The following MB21D2 variants were observed in gnomAD, a reference collection of about 807,000 sequenced individuals.
The protein encoded by MB21D2 is Mab-21 domain containing 2, also known as nucleotidyltransferase MB21D2.
Under a neutral mutation model 33.3 loss-of-function variants are expected in MB21D2, and 9 were observed. The ratio of observed to expected loss-of-function variants is 0.27; its 90% CI spans 0.16 to 0.47. The LOEUF (loss-of-function observed/expected upper bound fraction) is 0.47, where lower values mean the gene tolerates loss of function less well. MB21D2 is among the 20% of genes least tolerant of loss of function. The pLI is 0.99. For missense variants in MB21D2, 540 were observed against 624.6 expected, an observed-to-expected ratio of 0.86 and a Z score of 1.44; for synonymous variants, 241 against 236.3, an observed-to-expected ratio of 1.02 and a Z score of -0.18.
intron 1 of MB21D2, among the ~76,000 whole-genome samples, chr3:192,886,023 C>T (rs574042250): frequency 3.9e-5 from 6 of 152,164 alleles, no homozygotes; most frequent in East Asian, 3.9e-4. Flanking sequence ...TACAGTGGCG[C>T]GATCTCGGCT....
At chr3:192,855,769 A>G (rs1317265938) in intron 1 of MB21D2, among the ~76,000 whole-genome samples, 1 of 152,198 alleles carries the variant, frequency 6.6e-6, no homozygotes, top group African/African-American at 2.4e-5. Context: ...ATGAAGCTTC[A>G]AAGAAGTTAT....
intron 1 of MB21D2, among the ~76,000 whole-genome samples, chr3:192,817,101 A>C (rs1711942190): frequency 6.6e-6 from 1 of 152,208 alleles, no homozygotes; most frequent in Non-Finnish European, 1.5e-5. Context: ...ATATTCCAAT[A>C]CTTTTTCTAT....
At chr3:192,849,326 G>GA (rs1712741070) in intron 1 of MB21D2, among the ~76,000 whole-genome samples, 1 of 128,758 alleles carries the variant, frequency 7.8e-6, no homozygotes, top group South Asian at 3.2e-4. Context: ...TGGGGGGGGG[G>GA]CGGGGGGTGG....
intron 1 of MB21D2, among the ~76,000 whole-genome samples, chr3:192,913,632 T>A (rs1261723589): frequency 6.6e-6 from 1 of 151,306 alleles, no homozygotes; most frequent in Non-Finnish European, 1.5e-5. Context: ...GAGACCAGCC[T>A]GGGCAACATA....
chr3:192,906,078 A>G (rs1261939125), intron 1 of MB21D2, among the ~76,000 whole-genome samples: 1 of 152,204 alleles, frequency 6.6e-6, no homozygotes, highest in Non-Finnish European at 1.5e-5. Flanking sequence ...TAAATTGTGG[A>G]GGACTAGATA....
intron 1 of MB21D2, among the ~76,000 whole-genome samples, chr3:192,882,529 T>C (rs1713622446): frequency 6.6e-6 from 1 of 152,164 alleles, no homozygotes; most frequent in Non-Finnish European, 1.5e-5. Context: ...TACTGTCTCA[T>C]AGGTGCACCC....
chr3:192,807,967 C>T (rs1455060737), intron 1 of MB21D2, among the ~76,000 whole-genome samples: 3 of 144,686 alleles, frequency 2.1e-5, no homozygotes, highest in East Asian at 2.3e-4. Context: ...GTGAGTGGGG[C>T]GGGAGGGATT....
chr3:192,908,445 C>A (rs1220284900), intron 1 of MB21D2, among the ~76,000 whole-genome samples: 1 of 149,696 alleles, frequency 6.7e-6, no homozygotes, highest in African/African-American at 2.5e-5. Context: ...GTCGCCCAGG[C>A]TGGAGTACAG....
rs368004139 is a variant in MB21D2, at chr3:192,886,637, ATG to A, written c.211+30991_211+30992del. ...AAAGCACATTTCATACTTCTACCAT[ATG>A]TGTGATTCATAAGCAATTTATACTA... On this transcript the variant is annotated intron_variant, in intron 1 of 1. Coordinates refer to ENST00000392452, the MANE Select transcript of MB21D2 (RefSeq NM_178496.4). Among the ~76,000 whole-genome samples the A allele has an allele frequency of 1.8e-3, 277 of 152,180 alleles. 4 individuals are homozygous for A. Among genetic ancestry groups the A allele is most frequent in the African/African-American group, 4.6e-3 (190 of 41,446 alleles).
At position 192,916,036 on chromosome 3, in the gene MB21D2, T is replaced by C. The variant is rs1420777847; in HGVS notation, c.211+1594A>G. ...GGCCCCACCTTCCTGACAATCACTG[T>C]GTTGGCTTTTGGCTTTGTAAGCATT... On this transcript the variant is annotated intron_variant, in intron 1 of 1. Coordinates refer to ENST00000392452, the MANE Select transcript of MB21D2 (RefSeq NM_178496.4). Among the ~76,000 whole-genome samples the C allele has an allele frequency of 2.6e-5, 4 of 151,792 alleles. No individual in the cohort carries two copies. The East Asian group carries it at 7.7e-4, about 29-fold the overall frequency.
intron 1 of MB21D2, among the ~76,000 whole-genome samples, chr3:192,857,176 A>G (rs1712935590): frequency 6.6e-6 from 1 of 152,248 alleles, no homozygotes; most frequent in South Asian, 2.1e-4. Flanking sequence ...ATCAAAAACA[A>G]CAGGCCCTGC....
At chr3:192,823,919 T>G (rs189687097) in intron 1 of MB21D2, among the ~76,000 whole-genome samples, 229 of 152,268 alleles carry the variant, frequency 1.5e-3, no homozygotes, top group African/African-American at 5.3e-3. Context: ...TCTGAGGACA[T>G]CTAGATGGCC....
At chr3:192,864,522 T>G (rs1038873730) in intron 1 of MB21D2, among the ~76,000 whole-genome samples, 4 of 152,194 alleles carry the variant, frequency 2.6e-5, no homozygotes, top group African/African-American at 4.8e-5. Context: ...TGTTGTTGTT[T>G]TTTGACAGAG....
At chr3:192,885,620 C>T (rs1354685293) in intron 1 of MB21D2, among the ~76,000 whole-genome samples, 2 of 152,068 alleles carry the variant, frequency 1.3e-5, no homozygotes, top group Non-Finnish European at 2.9e-5. Flanking sequence ...AACCACCATT[C>T]GTCTCAGATG....
intron 1 of MB21D2, among the ~76,000 whole-genome samples, chr3:192,837,817 A>C (rs1209025563): frequency 1.3e-5 from 2 of 152,374 alleles, no homozygotes; most frequent in East Asian, 1.9e-4. Flanking sequence ...TAGTTGAAAG[A>C]AAACAACTGA....
At chr3:192,879,724 C>T (rs1293299414) in intron 1 of MB21D2, among the ~76,000 whole-genome samples, 2 of 152,364 alleles carry the variant, frequency 1.3e-5, no homozygotes, top group East Asian at 3.9e-4. Context: ...AGAGAAATTT[C>T]TCCCAAAGCA....
At chr3:192,816,346 A>T (rs1711923871) in intron 1 of MB21D2, among the ~76,000 whole-genome samples, 1 of 152,164 alleles carries the variant, frequency 6.6e-6, no homozygotes, top group South Asian at 2.1e-4. Context: ...CACAGACCCA[A>T]GTCTTGTTAT....
chr3:192,913,956 ATCT>A (rs1714409059), intron 1 of MB21D2, among the ~76,000 whole-genome samples: 2 of 152,178 alleles, frequency 1.3e-5, no homozygotes, highest in South Asian at 4.1e-4. Flanking sequence ...CAAATAGGAG[ATCT>A]TATTATAGAA....
chr3:192,817,038 T>G (rs1340050320), intron 1 of MB21D2, among the ~76,000 whole-genome samples: 1 of 152,258 alleles, frequency 6.6e-6, no homozygotes, highest in Non-Finnish European at 1.5e-5. Context: ...TGTAGGTTAA[T>G]GAATAACACT....
Sources: gnomAD v4.1 joint callset for allele counts (sites outside exome capture counted in the v4.1 genomes callset) on GRCh38, gnomAD v4.1.1 for gene constraint, MANE v1.5 for transcripts, NCBI Gene and HGNC (gene_info 2026-07-23, HGNC 2026-07-21) for gene names.